Variants in KCNT2 observed in about 807,000 individuals in gnomAD.
The protein encoded by KCNT2 is potassium sodium-activated channel subfamily T member 2.
KCNT2 carries 67 observed loss-of-function variants against 153.8 expected under a neutral mutation model. The observed-to-expected ratio is 0.44, with a 90% CI of 0.36 to 0.53. The LOEUF (loss-of-function observed/expected upper bound fraction) is 0.53. KCNT2 is among the 20% of genes least tolerant of loss of function. The pLI, the probability that KCNT2 is intolerant of heterozygous loss-of-function variation, is 0.00. For missense variants in KCNT2, 975 were observed against 1,354.8 expected (o/e 0.72, Z 4.40); for synonymous variants, 500 against 458.8 (o/e 1.09, Z -1.15).
chr1:196,292,913 C>G (rs888246488), intron 22 of KCNT2, among the ~76,000 whole-genome samples: 1 of 150,764 alleles, frequency 6.6e-6, no homozygotes, highest in Non-Finnish European at 1.5e-5. Context: ...CACCAAAAAG[C>G]TGTTAGAAGT....
chr1:196,525,249 C>A (rs1654019275), intron 1 of KCNT2, among the ~76,000 whole-genome samples: 1 of 152,100 alleles, frequency 6.6e-6, no homozygotes, highest in Non-Finnish European at 1.5e-5. Flanking sequence ...CAGTTGTCTG[C>A]ACAGCAAATT....
At chr1:196,407,079 G>A (rs12409651) in intron 12 of KCNT2, among the ~76,000 whole-genome samples, 13 of 151,342 alleles carry the variant, frequency 8.6e-5, no homozygotes, top group Admixed American at 5.3e-4. Context: ...CATCCAGAAC[G>A]GTACACTCCA....
At chr1:196,273,015 A>G (rs1658213866) in intron 25 of KCNT2, among the ~76,000 whole-genome samples, 1 of 151,910 alleles carries the variant, frequency 6.6e-6, no homozygotes, top group Non-Finnish European at 1.5e-5. Flanking sequence ...ATGGTTAAGT[A>G]AAACATCTTC....
At chr1:196,458,512 C>T (rs2148642994) in intron 8 of KCNT2, among the ~76,000 whole-genome samples, 1 of 151,872 alleles carries the variant, frequency 6.6e-6, no homozygotes, top group South Asian at 2.1e-4. Context: ...TCTTATGTTA[C>T]CCTCTCAAAA....
rs866913165 is a variant in KCNT2 at position 196,342,438 on chromosome 1, A to G, written c.1404-210T>C. Among the ~76,000 whole-genome samples, 8 of 139,946 alleles carry G rather than the reference A, an allele frequency of 5.7e-5. 1 individual carries two copies. The highest frequency in any genetic ancestry group is 1.6e-4 in the African/African-American group (6 of 37,294). 91.8% of individuals were successfully genotyped at this position (139,946 alleles called of 152,430 possible). On this transcript the variant is annotated intron_variant, in intron 14 of 27. Transcript: ENST00000294725. ...TTGAATACTATATATATATATATAT[A>G]TATATATATGTATATATATATATAT...
At chr1:196,409,709 A>G (rs1409797040) in intron 12 of KCNT2, among the ~76,000 whole-genome samples, 6 of 151,670 alleles carry the variant, frequency 4.0e-5, no homozygotes. Flanking sequence ...GTTAATGGAC[A>G]CTGTTTATTT....
intron 12 of KCNT2, among the ~76,000 whole-genome samples, chr1:196,419,753 T>A (rs1281711384): frequency 6.6e-6 from 1 of 152,012 alleles, no homozygotes; most frequent in African/African-American, 2.4e-5. Context: ...CTGAAGACAT[T>A]CCAATTTTCC....
chr1:196,484,022 G>A (rs1679219187), intron 3 of KCNT2, among the ~76,000 whole-genome samples: 1 of 152,136 alleles, frequency 6.6e-6, no homozygotes, highest in Non-Finnish European at 1.5e-5. Flanking sequence ...AGGTGTGTCA[G>A]AGTGAAGAGG....
intron 22 of KCNT2, among the ~76,000 whole-genome samples, chr1:196,299,567 C>T (rs1292144843): frequency 6.6e-6 from 1 of 151,922 alleles, no homozygotes; most frequent in Admixed American, 6.6e-5. Flanking sequence ...AGTTAGAATG[C>T]CTATTATCAA....
At chr1:196,581,946 C>G (rs1277967209) in intron 1 of KCNT2, among the ~76,000 whole-genome samples, 1 of 152,030 alleles carries the variant, frequency 6.6e-6, no homozygotes, top group Non-Finnish European at 1.5e-5. Context: ...AAAATTATGT[C>G]TTTCATAAGA....
chr1:196,357,483 T>G (rs543860625), intron 14 of KCNT2, among the ~76,000 whole-genome samples: 41 of 151,968 alleles, frequency 2.7e-4, no homozygotes, highest in Non-Finnish European at 5.4e-4. Context: ...TCCAATCCCT[T>G]GTGGAGACTG....
intron 23 of KCNT2, among the ~76,000 whole-genome samples, chr1:196,283,955 G>A: frequency 6.6e-6 from 1 of 151,620 alleles, no homozygotes; most frequent in Non-Finnish European, 1.5e-5. Flanking sequence ...TTTAGGCTGA[G>A]CACAGTGGCT....
intron 1 of KCNT2, among the ~76,000 whole-genome samples, chr1:196,550,529 A>G (rs1657755676): frequency 6.6e-6 from 1 of 151,918 alleles, no homozygotes; most frequent in Non-Finnish European, 1.5e-5. Flanking sequence ...ATAGCTTTAG[A>G]CTTGTAGTCT....
chr1:196,539,205 A>G (rs929051651), intron 1 of KCNT2, among the ~76,000 whole-genome samples: 1 of 152,214 alleles, frequency 6.6e-6, no homozygotes, highest in Non-Finnish European at 1.5e-5. Context: ...TTTACATAAG[A>G]ATATAAGAAA....
At position 196,446,319 on chromosome 1, in the gene KCNT2, G is replaced by A. The variant is rs113091280; in HGVS notation, c.639-16562C>T. Among the ~76,000 whole-genome samples, 1,366 of 151,288 alleles carry A rather than the reference G, an allele frequency of 9.0e-3. 17 individuals are homozygous for A. The highest frequency in any genetic ancestry group is 0.029 in the African/African-American group (1,200 of 41,368). ...CATTCAACTAAAAATAACATTTAAC[G>A]GTCATTATTCTAATTGTCTTTATCT... On this transcript the variant is annotated intron_variant, in intron 8 of 27. Transcript: ENST00000294725.
chr1:196,467,243 T>A (rs780197257), intron 7 of KCNT2, among the ~76,000 whole-genome samples: 7 of 152,044 alleles, frequency 4.6e-5, no homozygotes, highest in South Asian at 2.1e-4. Context: ...CAAAAACCAA[T>A]AAGGTTTTTA....
chr1:196,465,383 T>A lies in KCNT2; in HGVS notation c.548A>T (p.Asp183Val). The change falls in exon 8 of 28, where the codon GAT (aspartate) becomes GTT (valine). Residue 183 changes from aspartate to valine, a missense_variant. Coordinates refer to ENST00000294725, the MANE Select transcript of KCNT2 (RefSeq NM_198503.5). Reference protein sequence around the residue: ...AKHALENMINDLHRAIQRTQS... With the variant: ...AKHALENMINVLHRAIQRTQS... ...TGTACGCTGAATGGCTCTGTGTAGA[T>A]CATTCTAAAATAATACAGAAAAAAA... 1 of 1,589,674 alleles carries A rather than the reference T, an allele frequency of 6.3e-7. No homozygotes were observed. The highest frequency in any genetic ancestry group is 8.6e-7 in the Non-Finnish European group (1 of 1,159,792).
intron 13 of KCNT2, among the ~76,000 whole-genome samples, chr1:196,381,103 C>T (rs1020021009): frequency 1.3e-5 from 2 of 152,104 alleles, no homozygotes; most frequent in African/African-American, 4.8e-5. Flanking sequence ...AGATTTATTT[C>T]ATTTCAATAA....
intron 3 of KCNT2, among the ~76,000 whole-genome samples, chr1:196,488,727 T>C (rs1679627228): frequency 6.6e-6 from 1 of 152,040 alleles, no homozygotes; most frequent in Non-Finnish European, 1.5e-5. Context: ...TGCAACACAC[T>C]ATCAATAAAA....
Sources: gnomAD v4.1 joint callset for allele counts (sites outside exome capture counted in the v4.1 genomes callset) on GRCh38, gnomAD v4.1.1 for gene constraint, MANE v1.5 for transcripts, NCBI Gene and HGNC (gene_info 2026-07-23, HGNC 2026-07-21) for gene names.